NRXN3: variants seen among roughly 807,000 people sequenced by gnomAD.
The protein encoded by NRXN3 is neurexin 3, also known as neurexin III.
Under a neutral mutation model 137.6 loss-of-function variants are expected in NRXN3, and 32 were observed. The observed-to-expected ratio is 0.23, with a 90% CI of 0.18 to 0.31. The LOEUF is 0.31. NRXN3 is among the 10% of genes least tolerant of loss of function. The probability of loss-of-function intolerance (pLI) is 1.00; values close to 1 mark genes in which losing one functional copy is unlikely to be tolerated. For synonymous variants in NRXN3, 798 were observed against 784.5 expected, an observed-to-expected ratio of 1.02 and a Z score of -0.29; for missense variants, 1,574 against 2,062.5, an observed-to-expected ratio of 0.76 and a Z score of 4.59.
intron 4 of NRXN3, among the ~76,000 whole-genome samples, chr14:78,424,870 A>G (rs2093600133): frequency 6.6e-6 from 1 of 152,242 alleles, no homozygotes; most frequent in Non-Finnish European, 1.5e-5. Context: ...CAAAGTTTCT[A>G]AAATACATAG....
chr14:78,247,239 T>G (rs2067828288), intron 2 of NRXN3, among the ~76,000 whole-genome samples: 1 of 152,194 alleles, frequency 6.6e-6, no homozygotes, highest in Non-Finnish European at 1.5e-5. Context: ...GGCCCATCTC[T>G]TTTATGTGCT....
chr14:79,557,076 G>A (rs1430297625), intron 16 of NRXN3, among the ~76,000 whole-genome samples: 1 of 151,892 alleles, frequency 6.6e-6, no homozygotes, highest in Non-Finnish European at 1.5e-5. Context: ...ATATATTCAA[G>A]GCTAGTTGGC....
At chr14:79,804,782 CCTT>C (rs764857761) in intron 19 of NRXN3, among the ~76,000 whole-genome samples, 38 of 152,272 alleles carry the variant, frequency 2.5e-4, no homozygotes, top group Admixed American at 1.2e-3. Flanking sequence ...CTTCTCCTGT[CCTT>C]CTGATTCCTA....
chr14:78,818,219 A>G (rs1156534403), intron 10 of NRXN3, among the ~76,000 whole-genome samples: 1 of 151,986 alleles, frequency 6.6e-6, no homozygotes, highest in Non-Finnish European at 1.5e-5. Flanking sequence ...TGAGAGAGAG[A>G]AATATCTAAT....
intron 4 of NRXN3, among the ~76,000 whole-genome samples, chr14:78,434,469 C>A (rs2093995325): frequency 6.6e-6 from 1 of 152,136 alleles, no homozygotes; most frequent in African/African-American, 2.4e-5. Context: ...TACCATGTTT[C>A]CAAGTAAGGA....
intron 16 of NRXN3, among the ~76,000 whole-genome samples, chr14:79,490,366 A>T (rs574641945): frequency 6.6e-6 from 1 of 152,212 alleles, no homozygotes; most frequent in Non-Finnish European, 1.5e-5. Flanking sequence ...CTGCAGTCCT[A>T]TGTTTGTTGC....
intron 15 of NRXN3, among the ~76,000 whole-genome samples, chr14:79,416,894 G>A (rs941550650): frequency 2.0e-5 from 3 of 152,094 alleles, no homozygotes; most frequent in African/African-American, 2.4e-5. Flanking sequence ...CAGAAATATG[G>A]TTAGCCATTT....
chr14:79,555,376 C>A (rs1219502549), intron 16 of NRXN3, among the ~76,000 whole-genome samples: 3 of 152,078 alleles, frequency 2.0e-5, no homozygotes, highest in Non-Finnish European at 2.9e-5. Context: ...TTTTATCCTG[C>A]AAAGTAACCC....
At chr14:79,796,481 A>G (rs2099161269) in intron 19 of NRXN3, among the ~76,000 whole-genome samples, 1 of 151,754 alleles carries the variant, frequency 6.6e-6, no homozygotes, top group African/African-American at 2.4e-5. Context: ...CTCTTGATCT[A>G]CCCTTCCCTT....
chr14:78,538,336 G>T (rs1470620488), intron 4 of NRXN3, among the ~76,000 whole-genome samples: 4 of 152,192 alleles, frequency 2.6e-5, no homozygotes, highest in African/African-American at 9.7e-5. Context: ...CACATCCCTT[G>T]TAAGTTGGAT....
At chr14:79,617,140 T>G (rs2098165831) in intron 16 of NRXN3, among the ~76,000 whole-genome samples, 1 of 152,246 alleles carries the variant, frequency 6.6e-6, no homozygotes, top group African/African-American at 2.4e-5. Flanking sequence ...CTAGGTTGAC[T>G]CCAGGAATTG....
chr14:78,649,613 GT>G (rs1428431762), intron 5 of NRXN3, among the ~76,000 whole-genome samples: 2 of 87,578 alleles, frequency 2.3e-5, no homozygotes, highest in Non-Finnish European at 4.8e-5. Flanking sequence ...GTTTTCTTTT[GT>G]TTTCTTATTT....
At chr14:78,182,686 G>T (rs2059914938) in intron 1 of NRXN3, among the ~76,000 whole-genome samples, 1 of 152,034 alleles carries the variant, frequency 6.6e-6, no homozygotes, top group Non-Finnish European at 1.5e-5. Context: ...AGTCAGGCTG[G>T]TCTCGAACTC....
At chr14:78,247,200 A>C (rs764606695) in intron 2 of NRXN3, among the ~76,000 whole-genome samples, 1 of 152,054 alleles carries the variant, frequency 6.6e-6, no homozygotes, top group Non-Finnish European at 1.5e-5. Context: ...CCAAAATGTC[A>C]TCATGCTGCA....
At chr14:78,466,612 G>T (rs2095114396) in intron 4 of NRXN3, among the ~76,000 whole-genome samples, 1 of 152,146 alleles carries the variant, frequency 6.6e-6, no homozygotes, top group African/African-American at 2.4e-5. Flanking sequence ...AAGGCCATAG[G>T]GAGCTATGGA....
chr14:79,855,362 G>C (rs1354689176), intron 20 of NRXN3, among the ~76,000 whole-genome samples: 2 of 152,120 alleles, frequency 1.3e-5, no homozygotes, highest in East Asian at 3.9e-4. Flanking sequence ...AAACTGAATG[G>C]TGGATAAGAG....
chr14:78,692,988 CAGG>C (rs558475311), intron 6 of NRXN3, among the ~76,000 whole-genome samples: 228 of 151,984 alleles, frequency 1.5e-3, no homozygotes, highest in African/African-American at 5.4e-3. Flanking sequence ...GAGGCTGAGG[CAGG>C]AGAATTCCTT....
At chr14:79,858,362 C>T (rs1303488703) in intron 20 of NRXN3, among the ~76,000 whole-genome samples, 1 of 152,036 alleles carries the variant, frequency 6.6e-6, no homozygotes, top group Non-Finnish European at 1.5e-5. Flanking sequence ...AGATGGTACA[C>T]TAAAATTGCA....
intron 15 of NRXN3, among the ~76,000 whole-genome samples, chr14:79,452,611 T>C (rs1231773875): frequency 6.6e-6 from 1 of 152,174 alleles, no homozygotes; most frequent in Non-Finnish European, 1.5e-5. Context: ...TGCAGTCACC[T>C]CTCACAAGGT....
Sources: gnomAD v4.1 joint callset for allele counts (sites outside exome capture counted in the v4.1 genomes callset) on GRCh38, gnomAD v4.1.1 for gene constraint, MANE v1.5 for transcripts, NCBI Gene and HGNC (gene_info 2026-07-23, HGNC 2026-07-21) for gene names.